NAV2: variants seen among roughly 807,000 people sequenced by gnomAD.
The protein encoded by NAV2 is neuron navigator 2.
In NAV2, 54 loss-of-function variants were observed where a neutral mutation model predicts 223.2. The observed-to-expected ratio is 0.24, with a 90% CI of 0.19 to 0.30. The LOEUF (loss-of-function observed/expected upper bound fraction) is 0.30. Ranked by LOEUF, NAV2 falls within the 10% of genes least tolerant of loss-of-function variation. The pLI, the probability that NAV2 is intolerant of heterozygous loss-of-function variation, is 1.00. For synonymous variants in NAV2, 1,279 were observed against 1,239.3 expected (o/e 1.03, Z -0.67); for missense variants, 2,806 against 3,147.5 (o/e 0.89, Z 2.60).
chr11:19,726,404 C>T (rs554963520), intron 1 of NAV2, among the ~76,000 whole-genome samples: 1 of 152,320 alleles, frequency 6.6e-6, no homozygotes, highest in Non-Finnish European at 1.5e-5. Flanking sequence ...TTTTCTTACC[C>T]CTTCATTTTG....
intron 26 of NAV2, among the ~76,000 whole-genome samples, chr11:20,088,359 G>C (rs1263388577): frequency 6.6e-6 from 1 of 152,184 alleles, no homozygotes; most frequent in African/African-American, 2.4e-5. Context: ...GCTAATTTGT[G>C]TATTTTTAGT....
chr11:19,911,475 C>G (rs1591198133), intron 6 of NAV2, among the ~76,000 whole-genome samples: 2 of 152,170 alleles, frequency 1.3e-5, no homozygotes, highest in South Asian at 4.1e-4. Context: ...AAATGACTCT[C>G]TCAATTCTAC....
At position 19,551,923 on chromosome 11, in the gene NAV2, T is replaced by C. The variant is rs372602226; in HGVS notation, c.75+200896T>C. The stretch of plus-strand genomic sequence containing the variant: ...TCTCTCTCTCTCTCTCTCTCTCTCT[T>C]TCTCCACATCTCCTCTCCTTTCAAG... On this transcript the variant is annotated intron_variant, in intron 1 of 37. Coordinates refer to the NAV2 transcript ENST00000360655. Among the ~76,000 whole-genome samples, 252 of 146,746 alleles carry C rather than the reference T, an allele frequency of 1.7e-3. 1 individual carries two copies. Among genetic ancestry groups the C allele is most frequent in the African/African-American group, 6.4e-3 (239 of 37,190 alleles).
chr11:19,779,270 C>T (rs2056547582), intron 1 of NAV2, among the ~76,000 whole-genome samples: 1 of 152,142 alleles, frequency 6.6e-6, no homozygotes, highest in South Asian at 2.1e-4. Context: ...ACTGGGAAGC[C>T]CTGAGGGAGT....
At position 19,786,912 on chromosome 11, in the gene NAV2, G is replaced by C. The variant is rs1252845922; in HGVS notation, c.268-45572G>C. Among the ~76,000 whole-genome samples, 3 of 152,180 alleles carry C rather than the reference G, an allele frequency of 2.0e-5. No homozygotes were observed. In the East Asian group the frequency reaches 5.8e-4, roughly 29 times the overall value. On this transcript the variant is annotated intron_variant, in intron 1 of 37. Transcript: ENST00000349880. Reference sequence around the variant, plus strand: ...GGTGGACGGGGGTGGGTGCTGAGTTGGGAGGATGTTTTGAGGCCAGGAGTT... The same window carrying C: ...GGTGGACGGGGGTGGGTGCTGAGTTCGGAGGATGTTTTGAGGCCAGGAGTT...
intron 1 of NAV2, among the ~76,000 whole-genome samples, chr11:19,803,958 G>A (rs1277533142): frequency 6.6e-6 from 1 of 152,222 alleles, no homozygotes; most frequent in Admixed American, 6.5e-5. Context: ...AGCTTGAAAG[G>A]GGTGTGGCTA....
At chr11:19,993,684 G>A (rs1332003232) in intron 11 of NAV2, among the ~76,000 whole-genome samples, 5 of 152,170 alleles carry the variant, frequency 3.3e-5, no homozygotes, top group Admixed American at 2.0e-4. Flanking sequence ...TGATCACATG[G>A]CCTCTGGTAG....
chr11:19,768,960 C>T (rs140218146), intron 1 of NAV2, among the ~76,000 whole-genome samples: 27 of 152,240 alleles, frequency 1.8e-4, no homozygotes, highest in Non-Finnish European at 3.4e-4. Flanking sequence ...TGGATAGGAG[C>T]TAATAGGTCT....
rs193203473 is a variant in NAV2 at position 19,463,947 on chromosome 11, C to T, written c.75+112920C>T. On this transcript the variant is annotated intron_variant, in intron 1 of 37. Transcript: ENST00000360655. ...AGCAGGCAGGTGAGTGTCTGCCATG[C>T]TGCACCCGGAAAGAAGGTTGAACTG... 3.2e-3 allele frequency among the ~76,000 whole-genome samples: 494 copies of T among 152,270 alleles called. 2 individuals are homozygous for T. The highest frequency in any genetic ancestry group is 0.012 in the African/African-American group (488 of 41,560).
intron 1 of NAV2, among the ~76,000 whole-genome samples, chr11:19,614,085 A>T (rs1278808313): frequency 6.6e-6 from 1 of 152,206 alleles, no homozygotes. Flanking sequence ...TGCTGTACAG[A>T]TAAAGAGGGT....
At chr11:19,482,176 C>T (rs2042299790) in intron 1 of NAV2, among the ~76,000 whole-genome samples, 1 of 152,186 alleles carries the variant, frequency 6.6e-6, no homozygotes, top group Non-Finnish European at 1.5e-5. Flanking sequence ...ATTTTCACAA[C>T]AACCCAAGAA....
intron 26 of NAV2, among the ~76,000 whole-genome samples, chr11:20,089,928 A>G (rs993405924): frequency 3.9e-5 from 6 of 152,162 alleles, no homozygotes; most frequent in Non-Finnish European, 4.4e-5. Context: ...AAAAGAAGAT[A>G]ATTAGCCAGG....
chr11:19,913,232 C>T (rs1181320834), intron 6 of NAV2, among the ~76,000 whole-genome samples: 4 of 152,168 alleles, frequency 2.6e-5, no homozygotes, highest in East Asian at 1.9e-4. Flanking sequence ...TTGCCTGGTA[C>T]ATTTTGTATT....
intron 12 of NAV2, among the ~76,000 whole-genome samples, chr11:20,040,383 C>A (rs1419810458): frequency 6.6e-6 from 1 of 152,182 alleles, no homozygotes; most frequent in Non-Finnish European, 1.5e-5. Flanking sequence ...TGAGTCCCCC[C>A]ACACTGAGTT....
intron 1 of NAV2, chr11:19,778,118 G>A (rs2056433822): frequency 2.5e-6 from 1 of 394,968 alleles, no homozygotes; most frequent in South Asian, 1.9e-5. Flanking sequence ...ATCAGTCCCG[G>A]GAGAGCTGAG....
chr11:19,760,261 C>A lies in NAV2; in HGVS notation c.267+46299C>A, dbSNP rs149748287. Among the ~76,000 whole-genome samples the A allele has an allele frequency of 5.9e-3, 891 of 152,282 alleles. 4 individuals carry two copies. Among genetic ancestry groups the A allele is most frequent in the Non-Finnish European group, 7.6e-3 (517 of 68,008 alleles). On this transcript the variant is annotated intron_variant, in intron 1 of 37. Transcript: ENST00000349880. ...AGACCCTCTGTCTAACCCAGCCATTCTAGGACCCTGTCCTTTACCCCATTC... is the reference window on the plus strand; with the variant it reads ...AGACCCTCTGTCTAACCCAGCCATTATAGGACCCTGTCCTTTACCCCATTC...
intron 1 of NAV2, among the ~76,000 whole-genome samples, chr11:19,587,930 T>C (rs922293178): frequency 2.0e-5 from 3 of 152,176 alleles, no homozygotes; most frequent in African/African-American, 7.2e-5. Flanking sequence ...CCATAAAAAA[T>C]TAAATGTGAT....
intron 1 of NAV2, among the ~76,000 whole-genome samples, chr11:19,777,276 C>A (rs1351078728): frequency 6.6e-6 from 1 of 151,540 alleles, no homozygotes; most frequent in Non-Finnish European, 1.5e-5. Context: ...AGGGTCCCCG[C>A]GCGCAGCAGC....
At chr11:19,823,717 A>G (rs941528735) in intron 1 of NAV2, among the ~76,000 whole-genome samples, 12 of 152,154 alleles carry the variant, frequency 7.9e-5, no homozygotes, top group African/African-American at 2.9e-4. Flanking sequence ...ACATCCTTGT[A>G]AACATCAAAA....
Sources: allele counts gnomAD v4.1 joint callset (sites outside exome capture counted in the v4.1 genomes callset), GRCh38; gene constraint gnomAD v4.1.1; transcripts MANE v1.5; gene names NCBI Gene and HGNC (gene_info 2026-07-23, HGNC 2026-07-21).